Variants in KRTAP4-16 observed in about 807,000 individuals in gnomAD.
KRTAP4-16 encodes keratin associated protein 4-16, also known as keratin-associated protein 4-16.
For synonymous variants in KRTAP4-16, 140 were observed against 88.8 expected (o/e 1.58, Z -3.24); for missense variants, 378 against 233.5 (o/e 1.62, Z -4.03).
chr17:41,101,844 G>A (rs764098496), exon 1 of KRTAP4-16: 1 of 1,600,994 alleles, frequency 6.2e-7, no homozygotes, highest in East Asian at 2.2e-5. Context: ...GGCAGCAGCA[G>A]CTCGATTCAC....
At chr17:41,101,652 A>G (rs1363129394) in exon 1 of KRTAP4-16, 4 of 418,048 alleles carry the variant, frequency 9.6e-6, no homozygotes, top group South Asian at 1.9e-5. Flanking sequence ...AAGGGCGGGG[A>G]GGGGAGGGGA....
chr17:41,101,663 G>T (rs2013984398), exon 1 of KRTAP4-16: 1 of 561,008 alleles, frequency 1.8e-6, no homozygotes, highest in Admixed American at 2.6e-5. Context: ...GGGGAGGGGA[G>T]GGCAAGGGAA....
the KRTAP4-16 span, chr17:41,101,891 TG>T: frequency 6.2e-7 from 1 of 1,610,468 alleles, no homozygotes. Flanking sequence ...ATGCAGCAGC[TG>T]GGGTGGCAGC....
At chr17:41,101,701 G>GAAGGGAGGGGAAGGGGTGGGGAAGGA in the KRTAP4-16 span, 1 of 830,358 alleles carries the variant, frequency 1.2e-6, no homozygotes, top group East Asian at 3.6e-5. Context: ...AACGGGTGGG[G>GAAGGGAGGGGAAGGGGTGGGGAAGGA]AAGGGAAGGG....
chr17:41,101,853 A>T, the KRTAP4-16 span: 1 of 1,605,988 alleles, frequency 6.2e-7, no homozygotes, highest in Non-Finnish European at 8.5e-7. Context: ...AGCTCGATTC[A>T]CAGCAAGAGG....
chr17:41,102,023 A>T lies in KRTAP4-16; in HGVS notation c.187T>A (p.Cys63Ser), dbSNP rs558868253. The change falls in exon 1 of 1, where the codon TGC becomes AGC. Residue 63 changes from cysteine to serine, a missense_variant. Physicochemically the swap from Cys to Ser is moderately radical, Grantham distance 112. Transcript: ENST00000440582. ...GTCTGACAGCAGCTGGGGCGGCAGC[A>T]GGTGGGCTGGCAGCACACGGAATGG... The T allele has an allele frequency of 5.3e-4, 838 of 1,592,546 alleles. 1 individual carries two copies. Among genetic ancestry groups the T allele is most frequent in the Non-Finnish European group, 6.8e-4 (793 of 1,173,508 alleles).
exon 1 of KRTAP4-16, chr17:41,102,109 C>A (rs1238199992): frequency 6.3e-7 from 1 of 1,579,994 alleles, no homozygotes; most frequent in Admixed American, 1.7e-5. Flanking sequence ...GGTGGTTCTG[C>A]AGCAGGTGGT....
At chr17:41,102,092 A>G (rs148931560) in exon 1 of KRTAP4-16, 46,572 of 1,588,430 alleles carry the variant, frequency 0.029, 2,206 homozygotes, top group East Asian at 0.17. Context: ...CAGCTGTGGG[A>G]GCAGGAGGTG....
exon 1 of KRTAP4-16, chr17:41,101,983 G>A (rs773219722): frequency 1.9e-5 from 30 of 1,603,710 alleles, no homozygotes; most frequent in Admixed American, 1.5e-4. Flanking sequence ...GCAGCAGGTC[G>A]TCCTGCAGCA....
chr17:41,102,201 A>T (rs748955520), exon 1 of KRTAP4-16: 30 of 1,142,390 alleles, frequency 2.6e-5, no homozygotes, highest in Non-Finnish European at 3.8e-5. Context: ...GCATCTTTGA[A>T]CTGCACATAG....
exon 1 of KRTAP4-16, chr17:41,102,042 G>C: frequency 1.9e-6 from 3 of 1,603,504 alleles, no homozygotes; most frequent in Non-Finnish European, 2.6e-6. Context: ...GGCAGCACAC[G>C]GAATGGCAGC....
Position 41,101,636 on chromosome 17 carries a change from G to A in KRTAP4-16, c.574C>T (p.Pro192Ser), listed in dbSNP as rs572103648. Residue 192 changes from proline (P) to serine (S), a missense_variant, in exon 1 of 1, where the codon CCC becomes TCC. Coordinates refer to ENST00000440582, the Ensembl canonical transcript of KRTAP4-16. ...GGGATTAACACTGGGGAGAGGAGGG[G>A]AGGGGAAGGGCGGGGAGGGGAGGGG... 1.6e-4 allele frequency: 80 copies of A among 513,900 alleles called. 1 individual carries two copies. In the East Asian group the frequency reaches 2.7e-3, roughly 17 times the overall value. The allele number at this position is 513,900 out of a possible 1,614,324, so 31.8% of individuals were successfully genotyped here.
At position 41,101,660 on chromosome 17, in the gene KRTAP4-16, G is replaced by C. The variant is rs1373187921; in HGVS notation, c.550C>G (p.Pro184Ala). 1.6e-5 allele frequency: 9 copies of C among 550,816 alleles called. No individual in the cohort carries two copies. The East Asian group carries it at 3.1e-4, about 19-fold the overall frequency. The allele number at this position is 550,816 out of a possible 1,614,324, so 34.1% of individuals were successfully genotyped here. Residue 184 changes from proline (P) to alanine (A), a missense_variant, in exon 1 of 1, where the codon CCC becomes GCC. Coordinates refer to ENST00000440582, the Ensembl canonical transcript of KRTAP4-16. ...GGAGGGGAAGGGCGGGGAGGGGAGG[G>C]GAGGGCAAGGGAAAGGAAGAAAGGG...
exon 1 of KRTAP4-16, chr17:41,101,726 G>A (rs1353425953): frequency 3.9e-6 from 5 of 1,267,030 alleles, no homozygotes; most frequent in African/African-American, 1.6e-5. Context: ...GGAAGGGGAG[G>A]GGAGGCACAG....
chr17:41,102,148 G>C lies in KRTAP4-16; in HGVS notation c.62C>G (p.Pro21Arg), dbSNP rs762135674. 6 of 1,509,410 alleles carry C rather than the reference G, an allele frequency of 4.0e-6. No homozygotes were observed. In the Admixed American group the frequency reaches 5.0e-5, roughly 13 times the overall value. The allele number at this position is 1,509,410 out of a possible 1,614,324, so 93.5% of individuals were successfully genotyped here. ...ACAACAGCTGGGGTGACAGCAGTTGGGTGGGCTGGCAGCACACAGACTGGA... is the reference window on the plus strand; with the variant it reads ...ACAACAGCTGGGGTGACAGCAGTTGCGTGGGCTGGCAGCACACAGACTGGA... Residue 21 changes from proline (P) to arginine (R), a missense_variant, in exon 1 of 1, where the codon CCC (proline) becomes CGC (arginine). Physicochemically the swap from Pro to Arg is moderately radical, Grantham distance 103. Coordinates refer to ENST00000440582, the Ensembl canonical transcript of KRTAP4-16.
chr17:41,102,012 G>A lies in KRTAP4-16; in HGVS notation c.198C>T (p.Pro66=), dbSNP rs752789391. 5.7e-6 allele frequency: 9 copies of A among 1,592,738 alleles called. No individual in the cohort carries two copies. The Admixed American group carries it at 1.7e-4, about 30-fold the overall frequency. The stretch of plus-strand genomic sequence containing the variant: ...TGCAGCAGGTGGTCTGACAGCAGCT[G>A]GGGCGGCAGCAGGTGGGCTGGCAGC... Residue 66 remains proline (P), a synonymous_variant, in exon 1 of 1, where the codon CCC becomes CCT. Coordinates refer to ENST00000440582, the Ensembl canonical transcript of KRTAP4-16.
rs1471239558 is a variant in KRTAP4-16 at position 41,101,628 on chromosome 17, G to C, written c.582C>G (p.Leu194=). ...AAGGGGAGGGGATTAACACTGGGGA[G>C]AGGAGGGGAGGGGAAGGGCGGGGAG... is the stretch of plus-strand genomic sequence containing the variant. Residue 194 remains leucine, a synonymous_variant, in exon 1 of 1, where the codon CTC becomes CTG. Coordinates refer to ENST00000440582, the Ensembl canonical transcript of KRTAP4-16. The C allele has an allele frequency of 1.8e-5, 9 of 497,968 alleles. No homozygotes were observed. The Admixed American group carries it at 2.2e-4, about 12-fold the overall frequency. The allele number at this position is 497,968 out of a possible 1,614,324, so 30.8% of individuals were successfully genotyped here.
At chr17:41,101,690 G>A (rs745912915) in exon 1 of KRTAP4-16, 16 of 708,076 alleles carry the variant, frequency 2.3e-5, no homozygotes, top group Middle Eastern at 4.2e-4. Context: ...AAAGGGAGGG[G>A]AACGGGTGGG....
the KRTAP4-16 span, chr17:41,101,935 TG>T: frequency 1.9e-6 from 3 of 1,602,820 alleles, no homozygotes; most frequent in Non-Finnish European, 2.6e-6. Context: ...ATGGCAGCAC[TG>T]GGGTCTGCAG....
Sources: gnomAD v4.1 joint callset for allele counts on GRCh38, gnomAD v4.1.1 for gene constraint, MANE v1.5 for transcripts, NCBI Gene and HGNC (gene_info 2026-07-23, HGNC 2026-07-21) for gene names.